RNF11: variants seen among roughly 807,000 people sequenced by gnomAD.
RNF11 encodes the protein ring finger protein 11.
A neutral mutation model predicts 15.8 loss-of-function variants in RNF11; 4 were observed. The observed-to-expected ratio is 0.25, with a 90% CI of 0.12 to 0.58. The LOEUF is 0.58. Ranked by LOEUF, RNF11 falls within the 20% of genes least tolerant of loss-of-function variation. The probability of loss-of-function intolerance (pLI) is 0.91; values close to 1 mark genes in which losing one functional copy is unlikely to be tolerated. For synonymous variants in RNF11, 68 were observed against 72.3 expected, an observed-to-expected ratio of 0.94 and a Z score of 0.30; for missense variants, 139 against 194.4, an observed-to-expected ratio of 0.71 and a Z score of 1.70.
intron 1 of RNF11, among the ~76,000 whole-genome samples, chr1:51,261,008 C>T (rs942666586): frequency 2.0e-5 from 3 of 152,100 alleles, no homozygotes; most frequent in African/African-American, 7.2e-5. Flanking sequence ...AAAGAAAGAA[C>T]CTTTAATGTT....
intron 1 of RNF11, among the ~76,000 whole-genome samples, chr1:51,268,273 A>G (rs1210704306): frequency 1.3e-5 from 2 of 152,214 alleles, no homozygotes; most frequent in Non-Finnish European, 2.9e-5. Context: ...TTAAAATATC[A>G]GGAGGTCTTA....
At chr1:51,256,318 A>ATG (rs1646904170) in intron 1 of RNF11, among the ~76,000 whole-genome samples, 1 of 152,224 alleles carries the variant, frequency 6.6e-6, no homozygotes, top group Non-Finnish European at 1.5e-5. Context: ...ATCATACAGT[A>ATG]TGTAGCCTTT....
intron 1 of RNF11, among the ~76,000 whole-genome samples, chr1:51,245,359 C>T (rs980561133): frequency 4.6e-5 from 7 of 152,060 alleles, no homozygotes; most frequent in Non-Finnish European, 4.4e-5. Flanking sequence ...CACTATATTG[C>T]CCAGGCTGGT....
intron 1 of RNF11, among the ~76,000 whole-genome samples, chr1:51,249,980 A>G (rs1203180682): frequency 6.6e-6 from 1 of 152,206 alleles, no homozygotes; most frequent in Non-Finnish European, 1.5e-5. Context: ...ACACATACCT[A>G]TTCGTCGTTC....
At chr1:51,243,587 C>T (rs958569161) in intron 1 of RNF11, among the ~76,000 whole-genome samples, 11 of 152,172 alleles carry the variant, frequency 7.2e-5, no homozygotes, top group East Asian at 3.9e-4. Context: ...TACAGGCATG[C>T]GCCACCACAC....
chr1:51,240,113 A>G (rs1255827433), intron 1 of RNF11, among the ~76,000 whole-genome samples: 2 of 152,096 alleles, frequency 1.3e-5, no homozygotes, highest in Admixed American at 6.6e-5. Context: ...AGTCTCCCCA[A>G]CCCTCTGTGT....
intron 1 of RNF11, among the ~76,000 whole-genome samples, chr1:51,262,109 C>T (rs1029486559): frequency 3.9e-5 from 6 of 152,296 alleles, no homozygotes; most frequent in Non-Finnish European, 8.8e-5. Flanking sequence ...CCCGCCTTGG[C>T]CTCCCTAGTA....
chr1:51,255,676 T>C (rs1646901274), intron 1 of RNF11, among the ~76,000 whole-genome samples: 1 of 152,218 alleles, frequency 6.6e-6, no homozygotes, highest in South Asian at 2.1e-4. Flanking sequence ...GGGTCAAACT[T>C]GATTCTTCTG....
chr1:51,242,306 A>T (rs908160328), intron 1 of RNF11, among the ~76,000 whole-genome samples: 3 of 151,464 alleles, frequency 2.0e-5, no homozygotes, highest in Non-Finnish European at 4.4e-5. Context: ...GTGTCTGCAT[A>T]AAGCTTTCTT....
In RNF11 at chr1:51,273,255, C is replaced by G. The variant is rs1202274083; in HGVS notation, c.*1933C>G. On this transcript the variant is annotated 3_prime_UTR_variant, in exon 3 of 3. Coordinates refer to ENST00000242719, the MANE Select transcript of RNF11 (RefSeq NM_014372.5). ...TTGGCAAATGAACTTTTTTAAAAATCATCTTCCATGTTGCAGTTAGTCTTT... is the reference window on the plus strand; with the variant it reads ...TTGGCAAATGAACTTTTTTAAAAATGATCTTCCATGTTGCAGTTAGTCTTT... 6.6e-6 allele frequency: 1 copy of G among 152,060 alleles called. No individual in the cohort carries two copies. The highest frequency in any genetic ancestry group is 1.9e-4 in the East Asian group (1 of 5,196). The allele number at this position is 152,060 out of a possible 1,614,324, so 9.4% of individuals were successfully genotyped here.
At chr1:51,252,080 G>GGAAAAA (rs1646880612) in intron 1 of RNF11, among the ~76,000 whole-genome samples, 1 of 16,290 alleles carries the variant, frequency 6.1e-5, no homozygotes, top group Non-Finnish European at 1.3e-4. Context: ...CCATCTCAAA[G>GGAAAAA]CAAAAAAAAA....
intron 1 of RNF11, among the ~76,000 whole-genome samples, chr1:51,258,257 T>C (rs182067578): frequency 6.6e-6 from 1 of 152,338 alleles, no homozygotes; most frequent in East Asian, 1.9e-4. Context: ...CAGACCATGG[T>C]TGACCACAGT....
chr1:51,256,734 C>A lies in RNF11; in HGVS notation c.124-13222C>A, dbSNP rs574500554. ...TCACCCAGGCTGGAGTACAGTATGG[C>A]GTGATCTCAGCTCACCACAACCTCC... is the stretch of plus-strand genomic sequence containing the variant. On this transcript the variant is annotated intron_variant, in intron 1 of 2. Coordinates refer to ENST00000242719, the MANE Select transcript of RNF11 (RefSeq NM_014372.5). Among the ~76,000 whole-genome samples, 3 of 152,198 alleles carry A rather than the reference C, an allele frequency of 2.0e-5. No homozygotes were observed. The South Asian group carries it at 6.2e-4, about 32-fold the overall frequency.
At chr1:51,262,433 G>A (rs1332457077) in intron 1 of RNF11, among the ~76,000 whole-genome samples, 3 of 152,198 alleles carry the variant, frequency 2.0e-5, no homozygotes, top group African/African-American at 7.2e-5. Context: ...TTAGGATACT[G>A]AAAGTAAAAG....
intron 1 of RNF11, among the ~76,000 whole-genome samples, chr1:51,269,404 C>T (rs540111081): frequency 6.6e-6 from 1 of 152,276 alleles, no homozygotes; most frequent in South Asian, 2.1e-4. Context: ...GCACTTAAGC[C>T]TGGGCAACAG....
At chr1:51,268,303 G>T (rs1306476489) in intron 1 of RNF11, among the ~76,000 whole-genome samples, 1 of 151,860 alleles carries the variant, frequency 6.6e-6, no homozygotes, top group Non-Finnish European at 1.5e-5. Flanking sequence ...TTTCCTCTAT[G>T]GTTTTCTGAA....
intron 1 of RNF11, among the ~76,000 whole-genome samples, chr1:51,247,439 G>T (rs897947934): frequency 6.7e-6 from 1 of 148,590 alleles, no homozygotes; most frequent in Non-Finnish European, 1.5e-5. Flanking sequence ...GAAGTATGTG[G>T]TTTTTTGTTT....
intron 2 of RNF11, 99 bp from the exon 3 acceptor site, chr1:51,271,052 G>C: frequency 1.0e-6 from 1 of 980,536 alleles, no homozygotes; most frequent in Non-Finnish European, 1.5e-6. Flanking sequence ...ATTCTGATGT[G>C]TTACTCAGAT....
intron 1 of RNF11, 162 bp from the exon 2 acceptor site, chr1:51,269,794 T>C: frequency 1.6e-6 from 1 of 629,584 alleles, no homozygotes; most frequent in South Asian, 2.0e-5. Flanking sequence ...TTTATTCTAG[T>C]AGCTGAAGTT....
Sources: gnomAD v4.1 joint callset for allele counts (sites outside exome capture counted in the v4.1 genomes callset) on GRCh38, gnomAD v4.1.1 for gene constraint, MANE v1.5 for transcripts, NCBI Gene and HGNC (gene_info 2026-07-23, HGNC 2026-07-21) for gene names.